The following VPS50 variants were observed in gnomAD, a reference collection of about 807,000 sequenced individuals.
VPS50 encodes syndetin.
In VPS50, 70 loss-of-function variants were observed where a neutral mutation model predicts 139.7. That is an observed-to-expected ratio of 0.50 (90% CI 0.41 to 0.61). The LOEUF (loss-of-function observed/expected upper bound fraction) is 0.61, where lower values mean the gene tolerates loss of function less well. VPS50 is among the 20% of genes least tolerant of loss of function. The pLI, the probability that VPS50 is intolerant of heterozygous loss-of-function variation, is 0.00. For synonymous variants in VPS50, 365 were observed against 376.7 expected (o/e 0.97, Z 0.36); for missense variants, 921 against 1,133.7 (o/e 0.81, Z 2.69).
At chr7:93,346,513 C>T (rs1798399243) in intron 23 of VPS50, among the ~76,000 whole-genome samples, 1 of 152,164 alleles carries the variant, frequency 6.6e-6, no homozygotes, top group Admixed American at 6.5e-5. Context: ...GCCTGCATCG[C>T]CAAGTCCATC....
At chr7:93,317,255 AAC>A (rs1344347361) in intron 20 of VPS50, among the ~76,000 whole-genome samples, 1 of 152,172 alleles carries the variant, frequency 6.6e-6, no homozygotes, top group Non-Finnish European at 1.5e-5. Flanking sequence ...GGCTTGTTAA[AAC>A]ACAGATTGCT....
Position 93,352,454 on chromosome 7 carries a change from GA to G in VPS50, c.2464-1185del, listed in dbSNP as rs556655400. On this transcript the variant is annotated intron_variant, in intron 25 of 27. Transcript: ENST00000305866. ...TTTAGGAAGTAGCAAAAGAGCAGAGGATAACACAGTTGTCATTAGCCTGAGT... is the reference window on the plus strand; with the variant it reads ...TTTAGGAAGTAGCAAAAGAGCAGAGGTAACACAGTTGTCATTAGCCTGAGT... Among the ~76,000 whole-genome samples, 41 of 152,246 alleles carry G rather than the reference GA, an allele frequency of 2.7e-4. No individual in the cohort carries two copies. The South Asian group carries it at 8.1e-3, about 30-fold the overall frequency.
chr7:93,342,343 G>A (rs778938674), intron 23 of VPS50, among the ~76,000 whole-genome samples: 4 of 152,170 alleles, frequency 2.6e-5, no homozygotes, highest in African/African-American at 4.8e-5. Flanking sequence ...ACGAAGTCTC[G>A]CTGATTGCTA....
Position 93,276,158 on chromosome 7 carries a change from TCCACA to T in VPS50, c.802-6_802-2del. The stretch of plus-strand genomic sequence containing the variant: ...AAATTATGTTGTGCGTTTTTTTCTT[TCCACA>T]GACAGCAATGGATCAACTTCATATG... On this transcript the variant is annotated splice_acceptor_variant and splice_polypyrimidine_tract_variant and intron_variant, in intron 11 of 27. Coordinates refer to ENST00000305866, the MANE Select transcript of VPS50 (RefSeq NM_017667.4). LOFTEE classifies it high-confidence loss of function. The T allele has an allele frequency of 6.3e-7, 1 of 1,577,378 alleles. No individual in the cohort carries two copies. The highest frequency in any genetic ancestry group is 8.6e-7 in the Non-Finnish European group (1 of 1,162,188).
chr7:93,294,682 G>T, intron 14 of VPS50, 46 bp downstream of exon 14: 1 of 1,399,058 alleles, frequency 7.1e-7, no homozygotes, highest in Non-Finnish European at 9.9e-7. Context: ...CAATAGAAAT[G>T]TCATGTCATA....
chr7:93,327,034 A>C (rs1797802198), intron 21 of VPS50, among the ~76,000 whole-genome samples: 1 of 152,218 alleles, frequency 6.6e-6, no homozygotes, highest in Non-Finnish European at 1.5e-5. Flanking sequence ...AACTCACTAA[A>C]TAAATATTGA....
intron 20 of VPS50, among the ~76,000 whole-genome samples, chr7:93,315,752 A>AAATT (rs1797408370): frequency 1.3e-5 from 2 of 152,210 alleles, no homozygotes; most frequent in African/African-American, 4.8e-5. Flanking sequence ...TATAATAAGG[A>AAATT]AATTATAGGT....
At chr7:93,275,947 G>A (rs1175772456) in intron 11 of VPS50, 1 of 507,626 alleles carries the variant, frequency 2.0e-6, no homozygotes, top group Non-Finnish European at 3.5e-6. Context: ...GTGTTCACGA[G>A]TCACATTTAT....
chr7:93,324,989 T>G (rs951550372), intron 21 of VPS50, among the ~76,000 whole-genome samples: 1 of 151,958 alleles, frequency 6.6e-6, no homozygotes, highest in Non-Finnish European at 1.5e-5. Context: ...CATCGCCAAG[T>G]CAATCCTAAG....
intron 16 of VPS50, among the ~76,000 whole-genome samples, chr7:93,302,300 A>G (rs1187564911): frequency 2.0e-5 from 3 of 150,974 alleles, no homozygotes; most frequent in Non-Finnish European, 4.4e-5. Context: ...CCTGCATAAT[A>G]AATGTTTTGA....
intron 2 of VPS50, among the ~76,000 whole-genome samples, chr7:93,251,210 T>C (rs1562850420): frequency 6.6e-6 from 1 of 152,018 alleles, no homozygotes; most frequent in Non-Finnish European, 1.5e-5. Context: ...GATCATTCTA[T>C]ACAGATACAT....
chr7:93,303,411 G>A lies in VPS50; in HGVS notation c.1362-49G>A, dbSNP rs375594711. 5.2e-4 allele frequency: 383 copies of A among 731,110 alleles called. 1 individual carries two copies. Among genetic ancestry groups the A allele is most frequent in the South Asian group, 2.7e-3 (145 of 54,496 alleles). 45.3% of individuals were successfully genotyped at this position (731,110 alleles called of 1,614,324 possible). On this transcript the variant is annotated intron_variant, in intron 16 of 27. Transcript: ENST00000305866. ...CATTATTTCCTCAATTCTTGTGTGC[G>A]GTGTACTTTTCTTCTCACTTTTTGG...
chr7:93,234,243 C>T (rs1794730889), intron 1 of VPS50, among the ~76,000 whole-genome samples: 1 of 152,086 alleles, frequency 6.6e-6, no homozygotes, highest in African/African-American at 2.4e-5. Flanking sequence ...TTTTTGACCT[C>T]ATTTTGTAAA....
In VPS50 at chr7:93,286,993, G is replaced by GT. The variant is rs78030975; in HGVS notation, c.943-4694dup. ...TGGGCTTAAATTTGTTGAAAACGTT[G>GT]TTTTTTTTTTTTTTTTAAAAAAAAA... On this transcript the variant is annotated intron_variant, in intron 12 of 27. Transcript: ENST00000305866. 4.7e-3 allele frequency among the ~76,000 whole-genome samples: 582 copies of GT among 123,728 alleles called. 1 individual carries two copies. Among genetic ancestry groups the GT allele is most frequent in the Non-Finnish European group, 6.6e-3 (369 of 56,100 alleles). 81.2% of individuals were successfully genotyped at this position (123,728 alleles called of 152,430 possible).
At chr7:93,276,334 T>C (rs774907920) in intron 12 of VPS50, 29 bp downstream of exon 12, 1 of 1,577,836 alleles carries the variant, frequency 6.3e-7, no homozygotes, top group South Asian at 1.1e-5. Context: ...ACTATTCATA[T>C]ATCTCTCCTT....
intron 9 of VPS50, among the ~76,000 whole-genome samples, chr7:93,261,876 G>A (rs947636316): frequency 6.6e-6 from 1 of 152,060 alleles, no homozygotes; most frequent in African/African-American, 2.4e-5. Context: ...AATCTTTGTT[G>A]CGGAGTTACC....
chr7:93,316,841 G>C (rs768325165), intron 20 of VPS50, among the ~76,000 whole-genome samples: 6 of 152,182 alleles, frequency 3.9e-5, no homozygotes, highest in Non-Finnish European at 7.4e-5. Flanking sequence ...TAGGACTTCT[G>C]TCTGATTTTC....
At chr7:93,232,755 C>T (rs1185821085) in intron 1 of VPS50, among the ~76,000 whole-genome samples, 7 of 152,146 alleles carry the variant, frequency 4.6e-5, no homozygotes, top group Admixed American at 2.0e-4. Context: ...GTATCTTTGT[C>T]TCCCCTCCTC....
chr7:93,317,566 A>G (rs573768819), intron 20 of VPS50, among the ~76,000 whole-genome samples: 173 of 152,206 alleles, frequency 1.1e-3, no homozygotes, highest in African/African-American at 3.9e-3. Flanking sequence ...CAAATAAACA[A>G]ACAAACAAAA....
Sources: gnomAD v4.1 joint callset for allele counts (sites outside exome capture counted in the v4.1 genomes callset) on GRCh38, gnomAD v4.1.1 for gene constraint, MANE v1.5 for transcripts, NCBI Gene and HGNC (gene_info 2026-07-23, HGNC 2026-07-21) for gene names.